Variants in MAGI2 observed in about 807,000 individuals in gnomAD.
MAGI2 encodes the protein membrane-associated guanylate kinase, WW and PDZ domain-containing protein 2.
MAGI2 carries 35 observed loss-of-function variants against 133.3 expected under a neutral mutation model. The ratio of observed to expected loss-of-function variants is 0.26; its 90% CI spans 0.20 to 0.35. The LOEUF (loss-of-function observed/expected upper bound fraction) is 0.35. MAGI2 is among the 10% of genes least tolerant of loss of function. MAGI2 has a pLI of 1.00. For synonymous variants in MAGI2, 729 were observed against 710.6 expected, an observed-to-expected ratio of 1.03 and a Z score of -0.41; for missense variants, 1,636 against 1,863.4, an observed-to-expected ratio of 0.88 and a Z score of 2.25.
At chr7:78,748,765 T>C (rs117970966) in intron 2 of MAGI2, among the ~76,000 whole-genome samples, 6,706 of 151,166 alleles carry the variant, frequency 0.044, 217 homozygotes, top group Non-Finnish European at 0.068. Context: ...ACATTTTTTT[T>C]CTTATTGGAT....
At chr7:79,023,888 A>G (rs1223816765) in intron 1 of MAGI2, among the ~76,000 whole-genome samples, 1 of 152,216 alleles carries the variant, frequency 6.6e-6, no homozygotes, top group Non-Finnish European at 1.5e-5. Flanking sequence ...ACGAATCAAT[A>G]TTGTAAAAAT....
intron 6 of MAGI2, among the ~76,000 whole-genome samples, chr7:78,451,163 T>C (rs1240709788): frequency 2.6e-5 from 4 of 152,184 alleles, no homozygotes; most frequent in Admixed American, 2.0e-4. Context: ...GGCTTGGAAG[T>C]GTTCCAGTGT....
Position 78,879,473 on chromosome 7 carries a change from G to A in MAGI2, c.418+127617C>T, listed in dbSNP as rs572893519. On this transcript the variant is annotated intron_variant, in intron 2 of 21. Coordinates refer to ENST00000354212, the MANE Select transcript of MAGI2 (RefSeq NM_012301.4). ...CAATGGAAGTGCATAGGCTATAGAA[G>A]CAAAACCAAAAGACCCTACCCAACA... Among the ~76,000 whole-genome samples the A allele has an allele frequency of 6.6e-5, 10 of 152,084 alleles. No homozygotes were observed. In the East Asian group the frequency reaches 1.7e-3, roughly 26 times the overall value.
rs992056984 is a variant in MAGI2 at position 79,179,123 on chromosome 7, C to T, written c.302-171917G>A. On this transcript the variant is annotated intron_variant, in intron 1 of 21. Coordinates refer to ENST00000354212, the MANE Select transcript of MAGI2 (RefSeq NM_012301.4). ...CATAGTAACATTTCAGTAAAAAATG[C>T]ACCACATATATATATTACAGTGTTA... Among the ~76,000 whole-genome samples the T allele has an allele frequency of 7.9e-5, 12 of 152,078 alleles. No individual in the cohort carries two copies. The East Asian group carries it at 2.1e-3, about 27-fold the overall frequency.
intron 2 of MAGI2, among the ~76,000 whole-genome samples, chr7:78,888,913 A>G (rs1649223320): frequency 6.6e-6 from 1 of 152,150 alleles, no homozygotes; most frequent in African/African-American, 2.4e-5. Context: ...AGAAGGCTTC[A>G]GATGATCAAA....
intron 20 of MAGI2, among the ~76,000 whole-genome samples, chr7:78,109,223 G>A (rs781132427): frequency 8.5e-5 from 11 of 128,908 alleles, no homozygotes; most frequent in Non-Finnish European, 1.7e-4. Context: ...AGAATGGCGC[G>A]AACCCAGGAG....
intron 21 of MAGI2, among the ~76,000 whole-genome samples, chr7:78,047,027 T>C (rs1184890999): frequency 6.6e-6 from 1 of 151,916 alleles, no homozygotes; most frequent in African/African-American, 2.4e-5. Context: ...AATAACTAGG[T>C]AATTCCTTAT....
chr7:78,693,788 T>C (rs1817216293), intron 2 of MAGI2, among the ~76,000 whole-genome samples: 1 of 152,164 alleles, frequency 6.6e-6, no homozygotes, highest in African/African-American at 2.4e-5. Flanking sequence ...GTTCAAATGG[T>C]TTCCCTGGAT....
intron 2 of MAGI2, among the ~76,000 whole-genome samples, chr7:78,971,923 A>G (rs941031858): frequency 6.6e-6 from 1 of 151,958 alleles, no homozygotes; most frequent in Non-Finnish European, 1.5e-5. Flanking sequence ...TAAAGTAGAA[A>G]TGTATTCCTA....
Position 79,453,342 on chromosome 7 carries a change from A to T in MAGI2, c.-22T>A, listed in dbSNP as rs1849427630. Reference sequence around the variant, plus strand: ...ACATGGCAGTGGGGCGAGTCGCCTCAGTTCCTGGGCTCCTTGGGGTTAGGG... The same window carrying T: ...ACATGGCAGTGGGGCGAGTCGCCTCTGTTCCTGGGCTCCTTGGGGTTAGGG... On this transcript the variant is annotated 5_prime_UTR_variant, in exon 1 of 22. Transcript: ENST00000354212. The T allele has an allele frequency of 6.3e-7, 1 of 1,588,076 alleles. No individual in the cohort carries two copies. Among genetic ancestry groups the T allele is most frequent in the Non-Finnish European group, 8.6e-7 (1 of 1,166,204 alleles).
intron 2 of MAGI2, among the ~76,000 whole-genome samples, chr7:78,637,391 C>G (rs1215475116): frequency 1.3e-5 from 2 of 151,464 alleles, no homozygotes; most frequent in African/African-American, 4.9e-5. Flanking sequence ...GACTTAGGAG[C>G]TTGACTATAG....
intron 12 of MAGI2, among the ~76,000 whole-genome samples, chr7:78,194,573 A>T (rs1828542955): frequency 6.6e-6 from 1 of 152,188 alleles, no homozygotes; most frequent in African/African-American, 2.4e-5. Context: ...TCTTTTCTGT[A>T]TTTGGTAACC....
At chr7:78,137,569 A>T (rs1822287009) in intron 16 of MAGI2, among the ~76,000 whole-genome samples, 1 of 152,202 alleles carries the variant, frequency 6.6e-6, no homozygotes, top group South Asian at 2.1e-4. Flanking sequence ...CTAGAATTGA[A>T]GGAACACTTT....
intron 9 of MAGI2, among the ~76,000 whole-genome samples, chr7:78,330,778 T>C (rs1403668815): frequency 6.6e-6 from 1 of 152,018 alleles, no homozygotes; most frequent in African/African-American, 2.4e-5. Context: ...TATAGTCAGG[T>C]TGGGGAGGCA....
chr7:79,073,049 C>CA (rs1421400112), intron 1 of MAGI2, among the ~76,000 whole-genome samples: 37 of 151,370 alleles, frequency 2.4e-4, no homozygotes, highest in African/African-American at 8.3e-4. Context: ...ACAACAACAA[C>CA]AACAAAAAAA....
intron 9 of MAGI2, among the ~76,000 whole-genome samples, chr7:78,276,002 A>G (rs924176112): frequency 1.3e-5 from 2 of 152,198 alleles, no homozygotes; most frequent in East Asian, 1.9e-4. Context: ...TGTGATTATT[A>G]CCCTTTCCAT....
chr7:78,064,462 A>G (rs1156963237), intron 21 of MAGI2, among the ~76,000 whole-genome samples: 3 of 152,176 alleles, frequency 2.0e-5, no homozygotes, highest in African/African-American at 7.2e-5. Context: ...TTTATGTTAA[A>G]TTCTAGCCAG....
intron 2 of MAGI2, among the ~76,000 whole-genome samples, chr7:78,820,803 G>A (rs1790026995): frequency 6.6e-6 from 1 of 151,910 alleles, no homozygotes; most frequent in Non-Finnish European, 1.5e-5. Context: ...TTAGAAATTA[G>A]CTTATGTTTA....
Position 78,665,591 on chromosome 7 carries a change from A to G in MAGI2, c.419-38352T>C, listed in dbSNP as rs367684606. Among the ~76,000 whole-genome samples, 13 of 152,260 alleles carry G rather than the reference A, an allele frequency of 8.5e-5. No homozygotes were observed. In the East Asian group the frequency reaches 2.3e-3, roughly 27 times the overall value. ...AAGGTTGATTTGGATTATTACTTGA[A>G]AACTATGCTGTTTGGCTTCTATGGA... On this transcript the variant is annotated intron_variant, in intron 2 of 21. Coordinates refer to ENST00000354212, the MANE Select transcript of MAGI2 (RefSeq NM_012301.4).
Sources: allele counts gnomAD v4.1 joint callset (sites outside exome capture counted in the v4.1 genomes callset), GRCh38; gene constraint gnomAD v4.1.1; transcripts MANE v1.5; gene names NCBI Gene and HGNC (gene_info 2026-07-23, HGNC 2026-07-21).